MANBA: variants seen among roughly 807,000 people sequenced by gnomAD.
The protein encoded by MANBA is beta-mannosidase.
MANBA carries 83 observed loss-of-function variants against 111.1 expected under a neutral mutation model. The observed-to-expected ratio is 0.75, with a 90% confidence interval of 0.63 to 0.90. The LOEUF is 0.90. Ranked by LOEUF, MANBA falls within the 40% of genes least tolerant of loss-of-function variation. The pLI is 0.00. For synonymous variants in MANBA, 370 were observed against 378.7 expected (o/e 0.98, Z 0.27); for missense variants, 1,036 against 1,069.0 (o/e 0.97, Z 0.43).
At chr4:102,713,520 C>T (rs186862647) in intron 5 of MANBA, among the ~76,000 whole-genome samples, 24 of 152,366 alleles carry the variant, frequency 1.6e-4, no homozygotes, top group South Asian at 1.4e-3. Context: ...TATCCACTGA[C>T]ATCTGTGAGA....
intron 1 of MANBA, chr4:102,728,471 G>T (rs1722895868): frequency 1.5e-5 from 6 of 392,836 alleles, no homozygotes; most frequent in South Asian, 1.0e-4. Flanking sequence ...TGGTTTTTCG[G>T]AATACCCATC....
At chr4:102,701,838 T>C (rs1414556690) in intron 5 of MANBA, among the ~76,000 whole-genome samples, 1 of 151,028 alleles carries the variant, frequency 6.6e-6, no homozygotes. Context: ...ATTATGTGTC[T>C]TGGAGTTGCT....
At position 102,714,419 on chromosome 4, in the gene MANBA, A is replaced by G. The variant is rs772893130; in HGVS notation, c.673+19T>C. The G allele has an allele frequency of 1.3e-5, 20 of 1,597,970 alleles. No homozygotes were observed. Among genetic ancestry groups the G allele is most frequent in the African/African-American group, 5.4e-5 (4 of 74,528 alleles). On this transcript the variant is annotated intron_variant, in intron 5 of 16. Coordinates refer to ENST00000647097, the MANE Select transcript of MANBA (RefSeq NM_005908.4). ...CAAGAAGACTCAAAAAGAAAAAAAA[A>G]TCACATCTTTCAGCTTACCATATAT...
intron 1 of MANBA, chr4:102,727,845 T>A: frequency 1.7e-6 from 1 of 601,772 alleles, no homozygotes; most frequent in Non-Finnish European, 3.0e-6. Context: ...TCCTGAAGAC[T>A]CAGGTCTCCT....
intron 1 of MANBA, chr4:102,729,653 C>T: frequency 6.9e-7 from 1 of 1,440,188 alleles, no homozygotes; most frequent in Non-Finnish European, 9.8e-7. Flanking sequence ...TCTTGAAGTC[C>T]TCCACCAGCC....
chr4:102,727,870 C>T, intron 1 of MANBA: 1 of 569,128 alleles, frequency 1.8e-6, no homozygotes, highest in Non-Finnish European at 3.2e-6. Flanking sequence ...ATGAAAAAGC[C>T]CCTTGTGAAG....
chr4:102,663,656 A>G (rs999589677), intron 11 of MANBA, among the ~76,000 whole-genome samples: 4 of 152,226 alleles, frequency 2.6e-5, no homozygotes, highest in African/African-American at 9.7e-5. Flanking sequence ...TTAGGTGCTA[A>G]TATCACATAC....
In MANBA at chr4:102,723,897, T is replaced by C. The variant is rs1164548205; in HGVS notation, c.343A>G (p.Thr115Ala). 1.2e-6 allele frequency: 2 copies of C among 1,609,310 alleles called. No individual in the cohort carries two copies. The highest frequency in any genetic ancestry group is 1.7e-6 in the Non-Finnish European group (2 of 1,176,024). ...TVSKILFNEV[T>A]IGETDNMFNR... is the part of the protein sequence containing the mutation. ...AACATATTGTCTGTTTCCCCAATAGTGACTTCATTGAACAGGATTTTTGAA... is the reference window on the plus strand; with the variant it reads ...AACATATTGTCTGTTTCCCCAATAGCGACTTCATTGAACAGGATTTTTGAA... The change falls in exon 3 of 17, where the codon ACT becomes GCT. Residue 115 changes from threonine (T) to alanine (A), a missense_variant. Coordinates refer to ENST00000647097, the MANE Select transcript of MANBA (RefSeq NM_005908.4).
chr4:102,733,267 G>A (rs1426368005), intron 1 of MANBA, among the ~76,000 whole-genome samples: 8 of 151,864 alleles, frequency 5.3e-5, no homozygotes, highest in Non-Finnish European at 1.0e-4. Context: ...AAACTTTAAC[G>A]AAGGAGGTAG....
intron 5 of MANBA, among the ~76,000 whole-genome samples, chr4:102,706,772 T>A (rs1013085067): frequency 1.3e-5 from 2 of 151,874 alleles, no homozygotes; most frequent in South Asian, 4.1e-4. Context: ...GAACCAAACA[T>A]AAATTCTGGA....
intron 11 of MANBA, among the ~76,000 whole-genome samples, chr4:102,658,342 C>T (rs1016272667): frequency 3.9e-5 from 6 of 152,250 alleles, no homozygotes; most frequent in East Asian, 1.9e-4. Context: ...TACCCCTCCC[C>T]CAACCTTGAA....
rs753371124 is a variant in MANBA, at chr4:102,752,738, T to C, written c.177+7980A>G. On this transcript the variant is annotated intron_variant, in intron 1 of 16. Transcript: ENST00000647097. ...GATGCAGATGCAGAAAGCAGCCGTT[T>C]GAAATTTATATAATGTTTTCACTCT... The C allele has an allele frequency of 5.3e-4, 201 of 381,228 alleles. 2 individuals carry two copies. Among genetic ancestry groups the C allele is most frequent in the Non-Finnish European group, 5.7e-4 (111 of 195,154 alleles). The allele number at this position is 381,228 out of a possible 1,614,324, so 23.6% of individuals were successfully genotyped here.
intron 13 of MANBA, among the ~76,000 whole-genome samples, 163 bp from the exon 14 acceptor site, chr4:102,640,020 C>T (rs1023509403): frequency 6.6e-6 from 1 of 151,978 alleles, no homozygotes; most frequent in African/African-American, 2.4e-5. Flanking sequence ...TATACTAGAT[C>T]TGTAACTAGC....
chr4:102,668,893 A>G, intron 10 of MANBA, 70 bp downstream of exon 10: 2 of 1,305,934 alleles, frequency 1.5e-6, no homozygotes, highest in Non-Finnish European at 2.2e-6. Flanking sequence ...AAAATGAAGC[A>G]AGATTTAACA....
At chr4:102,723,828 A>C (rs1722678542) in intron 3 of MANBA, 34 bp downstream of exon 3, 1 of 1,245,360 alleles carries the variant, frequency 8.0e-7, no homozygotes, top group South Asian at 1.3e-5. Flanking sequence ...AACACACATA[A>C]ATTTTTTTTA....
chr4:102,641,157 G>A (rs1364134528), intron 13 of MANBA, among the ~76,000 whole-genome samples: 1 of 152,192 alleles, frequency 6.6e-6, no homozygotes, highest in Non-Finnish European at 1.5e-5. Context: ...TGGCCTAAAA[G>A]AAGAGGAATG....
intron 1 of MANBA, among the ~76,000 whole-genome samples, chr4:102,744,944 G>C (rs548043582): frequency 4.6e-5 from 7 of 152,276 alleles, no homozygotes; most frequent in Non-Finnish European, 8.8e-5. Context: ...CAGTGTGGGG[G>C]TTTGGCTACC....
intron 1 of MANBA, chr4:102,751,625 G>A: frequency 3.7e-6 from 2 of 540,820 alleles, no homozygotes; most frequent in Non-Finnish European, 7.6e-6. Context: ...TGGAGAACAT[G>A]TCATCAGAAG....
intron 5 of MANBA, among the ~76,000 whole-genome samples, chr4:102,712,628 G>A (rs1227331055): frequency 6.6e-6 from 1 of 151,330 alleles, no homozygotes. Context: ...AAGCGATCCT[G>A]CCACCTCAGC....
Sources: gnomAD v4.1 joint callset for allele counts (sites outside exome capture counted in the v4.1 genomes callset) on GRCh38, gnomAD v4.1.1 for gene constraint, MANE v1.5 for transcripts, NCBI Gene and HGNC (gene_info 2026-07-23, HGNC 2026-07-21) for gene names.